Variants in MAGI2 observed in about 807,000 individuals in gnomAD.
MAGI2 encodes the protein membrane-associated guanylate kinase, WW and PDZ domain-containing protein 2.
In MAGI2, 35 loss-of-function variants were observed where a neutral mutation model predicts 133.3. The observed-to-expected ratio is 0.26, with a 90% confidence interval of 0.20 to 0.35. The LOEUF (loss-of-function observed/expected upper bound fraction) is 0.35, where lower values mean the gene tolerates loss of function less well. Ranked by LOEUF, MAGI2 falls within the 10% of genes least tolerant of loss-of-function variation. The pLI is 1.00. For synonymous variants in MAGI2, 729 were observed against 710.6 expected (o/e 1.03, Z -0.41); for missense variants, 1,636 against 1,863.4 (o/e 0.88, Z 2.25).
At chr7:79,147,825 G>C (rs535167201) in intron 1 of MAGI2, among the ~76,000 whole-genome samples, 1 of 152,272 alleles carries the variant, frequency 6.6e-6, no homozygotes, top group East Asian at 1.9e-4. Flanking sequence ...GGTGGGTCAG[G>C]TGCCAGGCCC....
At chr7:78,547,348 C>T (rs1255198427) in intron 3 of MAGI2, among the ~76,000 whole-genome samples, 1 of 152,240 alleles carries the variant, frequency 6.6e-6, no homozygotes, top group East Asian at 1.9e-4. Context: ...CAAGCAACAA[C>T]TGTAAAAAGG....
chr7:78,965,510 A>G (rs767920616), intron 2 of MAGI2, among the ~76,000 whole-genome samples: 15 of 151,948 alleles, frequency 9.9e-5, no homozygotes, highest in Non-Finnish European at 2.1e-4. Context: ...ATCATTATAA[A>G]TATCTCAGTC....
At chr7:79,310,469 C>T (rs1838197095) in intron 1 of MAGI2, among the ~76,000 whole-genome samples, 1 of 152,058 alleles carries the variant, frequency 6.6e-6, no homozygotes, top group South Asian at 2.1e-4. Context: ...GCCTGGGATC[C>T]AGAGATCTGC....
At chr7:78,866,158 G>A (rs541848222) in intron 2 of MAGI2, among the ~76,000 whole-genome samples, 4 of 152,266 alleles carry the variant, frequency 2.6e-5, no homozygotes, top group Admixed American at 6.5e-5. Flanking sequence ...TTTGTTCCAT[G>A]CAATCCACTT....
intron 2 of MAGI2, among the ~76,000 whole-genome samples, chr7:78,956,908 C>T (rs1220248135): frequency 1.3e-5 from 2 of 152,076 alleles, no homozygotes; most frequent in Non-Finnish European, 2.9e-5. Context: ...TGTGTTTTTG[C>T]TAGCTCAGGG....
Position 78,562,716 on chromosome 7 carries a change from C to A in MAGI2, c.539-41071G>T, listed in dbSNP as rs1470881574. On this transcript the variant is annotated intron_variant, in intron 3 of 21. Coordinates refer to ENST00000354212, the MANE Select transcript of MAGI2 (RefSeq NM_012301.4). ...TTGTAAATACGTTTTTGAGCCACTA[C>A]AAGATAATGTCCTGGGCAATAATTG... 3.3e-5 allele frequency among the ~76,000 whole-genome samples: 5 copies of A among 152,220 alleles called. 1 individual carries two copies. In the Middle Eastern group the frequency reaches 0.014, roughly 414 times the overall value.
At position 78,019,345 on chromosome 7, in the gene MAGI2, G is replaced by A. The variant is rs1378219331; in HGVS notation, c.4338C>T (p.Leu1446=). Residue 1446 remains leucine (L), a synonymous_variant, in exon 22 of 22, where the codon CTC becomes CTT. Coordinates refer to ENST00000354212, the MANE Select transcript of MAGI2 (RefSeq NM_012301.4). The part of the protein sequence containing the change: ...VPGSDKLPSV[L]KPGASAASR ...TGCTGGCGGCCGAGGCGCCGGGTTTGAGGACGCTGGGCAGCTTGTCAGAAC... is the reference window on the plus strand; with the variant it reads ...TGCTGGCGGCCGAGGCGCCGGGTTTAAGGACGCTGGGCAGCTTGTCAGAAC... 7 of 1,529,818 alleles carry A rather than the reference G, an allele frequency of 4.6e-6. No individual in the cohort carries two copies. Among genetic ancestry groups the A allele is most frequent in the Non-Finnish European group, 5.2e-6 (6 of 1,147,656 alleles). 94.8% of individuals were successfully genotyped at this position (1,529,818 alleles called of 1,614,324 possible). A position where few individuals can be genotyped will look rare whatever the true frequency, so the allele number is the denominator to read the frequency against.
intron 1 of MAGI2, among the ~76,000 whole-genome samples, chr7:79,177,408 A>G (rs1217433189): frequency 6.6e-6 from 1 of 152,054 alleles, no homozygotes; most frequent in East Asian, 1.9e-4. Flanking sequence ...ACATTTTAAA[A>G]GTCATATGAA....
intron 10 of MAGI2, among the ~76,000 whole-genome samples, chr7:78,209,126 G>A (rs1337715351): frequency 8.9e-5 from 9 of 100,680 alleles, no homozygotes; most frequent in East Asian, 6.7e-4. Flanking sequence ...GGAGGCTGAG[G>A]CAGGAGAATG....
intron 9 of MAGI2, among the ~76,000 whole-genome samples, chr7:78,263,944 CCTT>C (rs1443693252): frequency 6.6e-6 from 1 of 152,094 alleles, no homozygotes; most frequent in East Asian, 1.9e-4. Flanking sequence ...TCTTGTTTCT[CCTT>C]CTCTCCTTGC....
intron 9 of MAGI2, among the ~76,000 whole-genome samples, chr7:78,333,088 C>A (rs1367639478): frequency 6.6e-6 from 1 of 152,184 alleles, no homozygotes. Context: ...GAATATTTTG[C>A]TAGATTAAAA....
chr7:78,552,636 C>T (rs1236934729), intron 3 of MAGI2, among the ~76,000 whole-genome samples: 4 of 152,028 alleles, frequency 2.6e-5, no homozygotes, highest in South Asian at 4.1e-4. Flanking sequence ...CTGTAGATGC[C>T]GTACTGTAAA....
At chr7:78,101,079 C>T (rs1033434085) in intron 20 of MAGI2, among the ~76,000 whole-genome samples, 1 of 152,090 alleles carries the variant, frequency 6.6e-6, no homozygotes, top group Admixed American at 6.6e-5. Flanking sequence ...AAATGATATC[C>T]TGTGTTCATG....
At chr7:78,640,985 C>G (rs1218634665) in intron 2 of MAGI2, among the ~76,000 whole-genome samples, 1 of 152,118 alleles carries the variant, frequency 6.6e-6, no homozygotes, top group African/African-American at 2.4e-5. Context: ...CAGTTTCCCC[C>G]ATCCTGTTAT....
In MAGI2 at chr7:78,604,478, C is replaced by T. The variant is rs554685987; in HGVS notation, c.538+22642G>A. Among the ~76,000 whole-genome samples, 6 of 152,206 alleles carry T rather than the reference C, an allele frequency of 3.9e-5. No individual in the cohort carries two copies. The East Asian group carries it at 5.8e-4, about 15-fold the overall frequency. On this transcript the variant is annotated intron_variant, in intron 3 of 21. Coordinates refer to ENST00000354212, the MANE Select transcript of MAGI2 (RefSeq NM_012301.4). ...ATACTGAATCCCATTATCTCCCGTC[C>T]CAGACAAATGTTCTAATGTAATAAA... is the stretch of plus-strand genomic sequence containing the variant.
At chr7:79,244,798 C>T (rs1832702620) in intron 1 of MAGI2, among the ~76,000 whole-genome samples, 1 of 152,110 alleles carries the variant, frequency 6.6e-6, no homozygotes, top group Non-Finnish European at 1.5e-5. Flanking sequence ...AGTGCTTGTG[C>T]CACCCCTCCC....
intron 2 of MAGI2, among the ~76,000 whole-genome samples, chr7:78,978,621 A>G (rs1804502120): frequency 6.6e-6 from 1 of 151,904 alleles, no homozygotes; most frequent in South Asian, 2.1e-4. Flanking sequence ...CAGCAGAGAA[A>G]TGAATCTTAA....
intron 2 of MAGI2, among the ~76,000 whole-genome samples, chr7:78,833,397 T>C (rs1000494366): frequency 6.6e-6 from 1 of 152,132 alleles, no homozygotes; most frequent in Admixed American, 6.5e-5. Context: ...ATTGGAGGCA[T>C]CAAGGGACCA....
intron 10 of MAGI2, chr7:78,253,024 A>G (rs1326645742): frequency 8.5e-5 from 13 of 152,048 alleles, no homozygotes. Context: ...CTTCTTAACA[A>G]TTTAAATATA....
Sources: gnomAD v4.1 joint callset for allele counts (sites outside exome capture counted in the v4.1 genomes callset) on GRCh38, gnomAD v4.1.1 for gene constraint, MANE v1.5 for transcripts, NCBI Gene and HGNC (gene_info 2026-07-23, HGNC 2026-07-21) for gene names.